Variants in ZNF407 observed in about 807,000 individuals in gnomAD.
ZNF407 encodes the protein zinc finger protein 407.
ZNF407 carries 17 observed loss-of-function variants against 131.2 expected under a neutral mutation model. That is an observed-to-expected ratio of 0.13 (90% CI 0.09 to 0.19). ZNF407 has a LOEUF of 0.19. ZNF407 is among the 10% of genes least tolerant of loss of function. The pLI is 1.00. For missense variants in ZNF407, 2,681 were observed against 2,830.6 expected (o/e 0.95, Z 1.20); for synonymous variants, 1,156 against 1,062.0 (o/e 1.09, Z -1.72).
chr18:74,832,458 CTTTT>C (rs1238744782), intron 4 of ZNF407, among the ~76,000 whole-genome samples: 2 of 148,544 alleles, frequency 1.3e-5, no homozygotes, highest in Non-Finnish European at 1.5e-5. Context: ...TTTTTTTTTT[CTTTT>C]TGTTTTTTTT....
intron 1 of ZNF407, among the ~76,000 whole-genome samples, chr18:74,630,195 G>C: frequency 6.8e-6 from 1 of 147,438 alleles, no homozygotes; most frequent in Non-Finnish European, 1.5e-5. Context: ...TTTTGAGACG[G>C]AGTCTCGCTC....
At chr18:74,861,526 C>A (rs1162720174) in intron 4 of ZNF407, among the ~76,000 whole-genome samples, 2 of 152,176 alleles carry the variant, frequency 1.3e-5, no homozygotes, top group Non-Finnish European at 2.9e-5. Flanking sequence ...TTGCTTTCAA[C>A]TAAAAGAATA....
chr18:74,841,724 G>A (rs1225709434), intron 4 of ZNF407, among the ~76,000 whole-genome samples: 1 of 152,158 alleles, frequency 6.6e-6, no homozygotes, highest in Admixed American at 6.5e-5. Flanking sequence ...TTGTTTTAGA[G>A]CAACACTGAT....
chr18:75,041,626 A>G (rs1180287983), intron 8 of ZNF407, among the ~76,000 whole-genome samples: 1 of 44,154 alleles, frequency 2.3e-5, no homozygotes, highest in East Asian at 6.6e-4. Flanking sequence ...GCACGTGCAC[A>G]CACACACACA....
intron 4 of ZNF407, among the ~76,000 whole-genome samples, chr18:74,847,773 A>G (rs778545942): frequency 3.3e-5 from 5 of 151,900 alleles, no homozygotes; most frequent in Non-Finnish European, 7.4e-5. Flanking sequence ...CCAATCTGAT[A>G]TCTCTTCCTT....
intron 4 of ZNF407, among the ~76,000 whole-genome samples, chr18:74,832,003 T>C (rs1460833908): frequency 6.6e-6 from 1 of 152,226 alleles, no homozygotes; most frequent in East Asian, 1.9e-4. Flanking sequence ...CACTAAGATT[T>C]GTAACATGAA....
chr18:74,902,745 G>A (rs959970492), intron 7 of ZNF407, among the ~76,000 whole-genome samples: 1 of 152,194 alleles, frequency 6.6e-6, no homozygotes, highest in Non-Finnish European at 1.5e-5. Context: ...CTCAGCAACT[G>A]TAGACTTAGG....
At chr18:75,033,043 C>T (rs555819331) in intron 8 of ZNF407, among the ~76,000 whole-genome samples, 2 of 118,758 alleles carry the variant, frequency 1.7e-5, no homozygotes, top group South Asian at 2.8e-4. Flanking sequence ...ACTAAGACTG[C>T]TCGGAATGGG....
At chr18:75,007,162 A>C (rs1972920459) in intron 8 of ZNF407, among the ~76,000 whole-genome samples, 2 of 152,084 alleles carry the variant, frequency 1.3e-5, no homozygotes. Context: ...GGAACATTTA[A>C]GTCAATATAC....
At chr18:74,970,850 T>C (rs1292632810) in intron 8 of ZNF407, among the ~76,000 whole-genome samples, 2 of 152,324 alleles carry the variant, frequency 1.3e-5, no homozygotes, top group Admixed American at 6.5e-5. Context: ...GACCCCACAT[T>C]TTCTTTGCAC....
intron 1 of ZNF407, among the ~76,000 whole-genome samples, chr18:74,617,110 C>G (rs1983342351): frequency 5.4e-4 from 77 of 141,598 alleles, no homozygotes; most frequent in Middle Eastern, 4.0e-3. Flanking sequence ...CATCCATATC[C>G]ACACACCACA....
chr18:74,881,952 A>G (rs937248099), intron 6 of ZNF407, among the ~76,000 whole-genome samples: 2 of 152,146 alleles, frequency 1.3e-5, no homozygotes, highest in Non-Finnish European at 2.9e-5. Context: ...GCGACAGACA[A>G]GAGAAGAGAG....
intron 3 of ZNF407, among the ~76,000 whole-genome samples, chr18:74,746,800 C>A (rs555645844): frequency 6.6e-6 from 1 of 150,584 alleles, no homozygotes; most frequent in Admixed American, 6.6e-5. Context: ...AAAAAAAAAA[C>A]GATAAGTAAA....
chr18:74,658,597 G>C (rs1188730600), intron 3 of ZNF407, among the ~76,000 whole-genome samples: 1 of 152,092 alleles, frequency 6.6e-6, no homozygotes, highest in Non-Finnish European at 1.5e-5. Context: ...TGTGTAAAAT[G>C]CTCAATATGA....
chr18:74,633,833 A>C lies in ZNF407; in HGVS notation c.2814A>C (p.Ala938=). 6.2e-7 allele frequency: 1 copy of C among 1,614,030 alleles called. No individual in the cohort carries two copies. ...LEAGKKNAGS[A]VTMSDEHANK... is the part of the protein sequence containing the mutation. ...CTGGTAAAAAGAATGCTGGCTCAGCAGTGACCATGTCAGATGAACATGCTA... is the reference window on the plus strand; with the variant it reads ...CTGGTAAAAAGAATGCTGGCTCAGCCGTGACCATGTCAGATGAACATGCTA... The change falls in exon 2 of 9, where the codon GCA becomes GCC. Residue 938 remains alanine (A), a synonymous_variant. Coordinates refer to ENST00000299687, the MANE Select transcript of ZNF407 (RefSeq NM_017757.3).
At chr18:74,824,304 T>C (rs532205553) in intron 4 of ZNF407, among the ~76,000 whole-genome samples, 1 of 152,056 alleles carries the variant, frequency 6.6e-6, no homozygotes, top group Non-Finnish European at 1.5e-5. Flanking sequence ...TTAAAATAAC[T>C]AAGGAAGCAA....
At chr18:74,681,637 T>C (rs1966985361) in intron 3 of ZNF407, among the ~76,000 whole-genome samples, 1 of 152,210 alleles carries the variant, frequency 6.6e-6, no homozygotes, top group Admixed American at 6.5e-5. Flanking sequence ...GTAAGCTGTT[T>C]CCTGAGGAAA....
intron 8 of ZNF407, among the ~76,000 whole-genome samples, chr18:75,047,081 T>G (rs1186753934): frequency 6.6e-6 from 1 of 152,202 alleles, no homozygotes; most frequent in Non-Finnish European, 1.5e-5. Flanking sequence ...TCTTAAAAAT[T>G]GGACAATAAA....
At chr18:74,814,677 A>G (rs958302430) in intron 4 of ZNF407, among the ~76,000 whole-genome samples, 3 of 152,230 alleles carry the variant, frequency 2.0e-5, no homozygotes, top group Non-Finnish European at 2.9e-5. Flanking sequence ...GGAGAGGATT[A>G]AAAAGTAATT....
Sources: allele counts gnomAD v4.1 joint callset (sites outside exome capture counted in the v4.1 genomes callset), GRCh38; gene constraint gnomAD v4.1.1; transcripts MANE v1.5; gene names NCBI Gene and HGNC (gene_info 2026-07-23, HGNC 2026-07-21).